The following TRPM3 variants were observed in gnomAD, a reference collection of about 807,000 sequenced individuals.
TRPM3 encodes the protein long transient receptor potential channel 3.
TRPM3 carries 77 observed loss-of-function variants against 181.2 expected under a neutral mutation model. The observed-to-expected ratio is 0.42, with a 90% CI of 0.35 to 0.51. The LOEUF (loss-of-function observed/expected upper bound fraction) is 0.51, where lower values mean the gene tolerates loss of function less well. Ranked by LOEUF, TRPM3 falls within the 20% of genes least tolerant of loss-of-function variation. The pLI is 0.01. For synonymous variants in TRPM3, 745 were observed against 796.4 expected (o/e 0.94, Z 1.09); for missense variants, 1,759 against 2,196.7 (o/e 0.80, Z 3.98).
At chr9:70,657,001 C>T (rs1409583667) in intron 9 of TRPM3, among the ~76,000 whole-genome samples, 2 of 150,468 alleles carry the variant, frequency 1.3e-5, no homozygotes, top group Non-Finnish European at 3.0e-5. Flanking sequence ...AAATGTAGTC[C>T]TAGAATAAAA....
chr9:71,277,366 A>G (rs1433904499), intron 1 of TRPM3, among the ~76,000 whole-genome samples: 2 of 152,168 alleles, frequency 1.3e-5, no homozygotes, highest in African/African-American at 4.8e-5. Flanking sequence ...CTTACACTGC[A>G]TTTATTTTGT....
intron 6 of TRPM3, among the ~76,000 whole-genome samples, chr9:70,801,084 G>A (rs2088862329): frequency 6.6e-6 from 1 of 152,188 alleles, no homozygotes; most frequent in African/African-American, 2.4e-5. Flanking sequence ...GGACATACTT[G>A]CAAGTGAAGG....
chr9:70,927,598 T>C (rs2096733224), intron 1 of TRPM3, among the ~76,000 whole-genome samples: 2 of 152,216 alleles, frequency 1.3e-5, no homozygotes, highest in East Asian at 3.8e-4. Flanking sequence ...CTGGTAGTCT[T>C]TGCTATTTGC....
intron 9 of TRPM3, among the ~76,000 whole-genome samples, chr9:70,665,464 A>G (rs7040454): frequency 0.15 from 23,575 of 152,144 alleles, 1,917 homozygotes; most frequent in South Asian, 0.23. Flanking sequence ...TACGATGAAT[A>G]ACATTGGAAA....
At chr9:70,669,392 T>C (rs896863947) in intron 9 of TRPM3, among the ~76,000 whole-genome samples, 1 of 152,176 alleles carries the variant, frequency 6.6e-6, no homozygotes, top group African/African-American at 2.4e-5. Flanking sequence ...AGGACTTAAG[T>C]CTACATGTTA....
intron 20 of TRPM3, among the ~76,000 whole-genome samples, chr9:70,598,908 T>TAAG (rs1346529352): frequency 1.3e-5 from 2 of 152,370 alleles, no homozygotes; most frequent in African/African-American, 4.8e-5. Flanking sequence ...GGTAAAATTC[T>TAAG]AAGACACACA....
At chr9:70,831,987 A>ATATATTTATATATATATATATATT (rs2093958162) in intron 5 of TRPM3, among the ~76,000 whole-genome samples, 1 of 127,156 alleles carries the variant, frequency 7.9e-6, no homozygotes, top group Non-Finnish European at 1.7e-5. Context: ...ATATATATAT[A>ATATATTTATATATATATATATATT]TATATATATA....
chr9:70,654,757 A>G (rs2060057204), intron 9 of TRPM3, among the ~76,000 whole-genome samples: 1 of 148,334 alleles, frequency 6.7e-6, no homozygotes, highest in African/African-American at 2.5e-5. Context: ...ATCTTGGCTC[A>G]CTGCAAGCTC....
At chr9:71,408,347 A>C (rs2131428543) in intron 1 of TRPM3, among the ~76,000 whole-genome samples, 1 of 152,292 alleles carries the variant, frequency 6.6e-6, no homozygotes, top group East Asian at 1.9e-4. Flanking sequence ...AGAAAGCTAA[A>C]AACCTTGAAA....
At chr9:71,391,546 G>A (rs373898175) in intron 1 of TRPM3, among the ~76,000 whole-genome samples, 1 of 151,984 alleles carries the variant, frequency 6.6e-6, no homozygotes, top group East Asian at 1.9e-4. Context: ...TATAAATACA[G>A]TGGTCAAGCT....
intron 1 of TRPM3, among the ~76,000 whole-genome samples, chr9:71,176,867 C>T (rs1337596154): frequency 6.6e-6 from 1 of 152,086 alleles, no homozygotes; most frequent in Admixed American, 6.6e-5. Flanking sequence ...CTGTAACATG[C>T]TATACAGTTT....
At chr9:71,438,518 T>C (rs2094083788) in intron 1 of TRPM3, among the ~76,000 whole-genome samples, 1 of 150,866 alleles carries the variant, frequency 6.6e-6, no homozygotes, top group South Asian at 2.1e-4. Context: ...AAAAAAAATA[T>C]AAAAATTAGC....
intron 1 of TRPM3, among the ~76,000 whole-genome samples, chr9:71,258,927 G>A (rs1387889497): frequency 6.6e-6 from 1 of 152,040 alleles, no homozygotes; most frequent in Non-Finnish European, 1.5e-5. Flanking sequence ...TAAGTTCTGG[G>A]ATACATGTGC....
At chr9:70,693,474 CT>C (rs368467549) in intron 8 of TRPM3, among the ~76,000 whole-genome samples, 74 of 151,406 alleles carry the variant, frequency 4.9e-4, no homozygotes, top group East Asian at 9.7e-4. Flanking sequence ...ATTTTTAGCG[CT>C]TTTTTTTTGA....
At chr9:71,363,734 G>C (rs1358133619) in intron 1 of TRPM3, among the ~76,000 whole-genome samples, 1 of 152,064 alleles carries the variant, frequency 6.6e-6, no homozygotes, top group Admixed American at 6.6e-5. Flanking sequence ...CCCTGGCCAG[G>C]AGGCCCCTGG....
chr9:71,092,972 C>T (rs533986553), intron 1 of TRPM3, among the ~76,000 whole-genome samples: 6 of 152,078 alleles, frequency 3.9e-5, no homozygotes, highest in Non-Finnish European at 8.8e-5. Context: ...ATTCAACAAA[C>T]CTGACATGAG....
chr9:70,649,201 T>G (rs980976183), intron 9 of TRPM3, among the ~76,000 whole-genome samples: 1 of 151,794 alleles, frequency 6.6e-6, no homozygotes, highest in Admixed American at 6.6e-5. Flanking sequence ...ACTTTTTTTT[T>G]TTTTTGAGAT....
intron 1 of TRPM3, among the ~76,000 whole-genome samples, chr9:71,316,668 G>A (rs532436907): frequency 7.9e-5 from 12 of 152,192 alleles, no homozygotes; most frequent in African/African-American, 2.4e-4. Flanking sequence ...TAGAGAAATG[G>A]ATCCTCTCCC....
intron 1 of TRPM3, among the ~76,000 whole-genome samples, chr9:70,983,888 T>C (rs1742770324): frequency 6.6e-6 from 1 of 152,196 alleles, no homozygotes. Context: ...GACAGTAGTT[T>C]GACTTCCTGG....
Sources: gnomAD v4.1 joint callset for allele counts (sites outside exome capture counted in the v4.1 genomes callset) on GRCh38, gnomAD v4.1.1 for gene constraint, MANE v1.5 for transcripts, NCBI Gene and HGNC (gene_info 2026-07-23, HGNC 2026-07-21) for gene names.